Variants in MTUS2 observed in about 807,000 individuals in gnomAD.
The protein encoded by MTUS2 is microtubule-associated tumor suppressor candidate 2.
MTUS2 carries 40 observed loss-of-function variants against 114.1 expected under a neutral mutation model. The ratio of observed to expected loss-of-function variants is 0.35; its 90% confidence interval spans 0.27 to 0.46. MTUS2 has a LOEUF of 0.46. Among genes scored for constraint, MTUS2 ranks in the 20% least tolerant of loss-of-function variants. MTUS2 has a pLI of 1.00. For synonymous variants in MTUS2, 688 were observed against 672.0 expected, an observed-to-expected ratio of 1.02 and a Z score of -0.37; for missense variants, 1,679 against 1,705.4, an observed-to-expected ratio of 0.98 and a Z score of 0.27.
chr13:29,374,901 G>A (rs1396724783), intron 8 of MTUS2, among the ~76,000 whole-genome samples: 2 of 152,004 alleles, frequency 1.3e-5, no homozygotes, highest in Admixed American at 1.3e-4. Flanking sequence ...ACTCCAGCCT[G>A]GGTGACAAGA....
chr13:29,200,046 A>G (rs1030721055), intron 5 of MTUS2, among the ~76,000 whole-genome samples: 2 of 151,794 alleles, frequency 1.3e-5, no homozygotes, highest in Non-Finnish European at 2.9e-5. Context: ...CTGCTTTATC[A>G]TTTTTTATCG....
In MTUS2 at chr13:29,281,715, G is replaced by C; in HGVS notation, c.2656G>C (p.Gly886Arg). Residue 886 changes from glycine to arginine, a missense_variant, in exon 6 of 16, where the codon GGG (glycine) becomes CGG (arginine). Transcript: ENST00000612955. ...TCTGCCTCCCACAGGTTCAACCTTTGGGAATGAAGAACAGCCAGTTCTGAA... is the reference window on the plus strand; with the variant it reads ...TCTGCCTCCCACAGGTTCAACCTTTCGGAATGAAGAACAGCCAGTTCTGAA... ...QGRPATRSTF[G>R]NEEQPVLKAS... is the part of the protein sequence containing the mutation. 6.2e-7 allele frequency: 1 copy of C among 1,607,606 alleles called. No homozygotes were observed. Among genetic ancestry groups the C allele is most frequent in the Non-Finnish European group, 8.5e-7 (1 of 1,175,186 alleles).
At chr13:28,840,649 A>T (rs1303570349) in intron 2 of MTUS2, among the ~76,000 whole-genome samples, 1 of 152,226 alleles carries the variant, frequency 6.6e-6, no homozygotes, top group Admixed American at 6.5e-5. Flanking sequence ...GCCTCCGTAA[A>T]CATGGTGCTC....
At chr13:28,870,374 G>A (rs1323209250) in intron 2 of MTUS2, among the ~76,000 whole-genome samples, 2 of 152,082 alleles carry the variant, frequency 1.3e-5, no homozygotes, top group African/African-American at 4.8e-5. Context: ...CTGGACAAAC[G>A]GCTTTGCTTG....
At chr13:29,031,813 A>G in intron 3 of MTUS2, among the ~76,000 whole-genome samples, 1 of 151,888 alleles carries the variant, frequency 6.6e-6, no homozygotes, top group South Asian at 2.1e-4. Flanking sequence ...CCCCACCACT[A>G]TCCCAGTGGC....
chr13:29,500,792 AACACAC>A (rs3066073), intron 14 of MTUS2, among the ~76,000 whole-genome samples: 32,176 of 144,282 alleles, frequency 0.22, 3,591 homozygotes, highest in African/African-American at 0.27. Context: ...TTACATCAGA[AACACAC>A]ACACACACAC....
intron 5 of MTUS2, among the ~76,000 whole-genome samples, chr13:29,211,417 C>T (rs1895430426): frequency 6.6e-6 from 1 of 152,298 alleles, no homozygotes; most frequent in Non-Finnish European, 1.5e-5. Context: ...TCCCCACCTG[C>T]AGCAGCTTCT....
chr13:28,931,854 T>C (rs7989669), intron 2 of MTUS2, among the ~76,000 whole-genome samples: 12,744 of 151,974 alleles, frequency 0.084, 602 homozygotes, highest in South Asian at 0.13. Context: ...ACAGTCCCCG[T>C]TGTGTGATGT....
intron 5 of MTUS2, among the ~76,000 whole-genome samples, chr13:29,118,619 G>A (rs1327965976): frequency 6.6e-6 from 1 of 152,220 alleles, no homozygotes; most frequent in African/African-American, 2.4e-5. Flanking sequence ...TCTGTTAGCA[G>A]TGTGTAGGTA....
chr13:29,145,496 G>A (rs1438010391), intron 5 of MTUS2, among the ~76,000 whole-genome samples: 1 of 152,000 alleles, frequency 6.6e-6, no homozygotes, highest in Admixed American at 6.6e-5. Context: ...CTCCAGCCTG[G>A]GTGACAGAGC....
chr13:29,086,666 A>T (rs976891929), intron 4 of MTUS2, among the ~76,000 whole-genome samples: 1 of 152,192 alleles, frequency 6.6e-6, no homozygotes, highest in Non-Finnish European at 1.5e-5. Flanking sequence ...GAAAAATGGC[A>T]TTGATAGTTT....
At chr13:28,931,583 A>G (rs1271945932) in intron 2 of MTUS2, among the ~76,000 whole-genome samples, 1 of 151,730 alleles carries the variant, frequency 6.6e-6, no homozygotes, top group African/African-American at 2.4e-5. Context: ...AGTCAATTAA[A>G]CCTCTTTTCA....
At chr13:29,411,496 T>C (rs1261203264) in intron 8 of MTUS2, among the ~76,000 whole-genome samples, 1 of 152,228 alleles carries the variant, frequency 6.6e-6, no homozygotes, top group Non-Finnish European at 1.5e-5. Context: ...TTTTAATGTC[T>C]GATAGATCTA....
chr13:29,435,575 G>A (rs1365201649), intron 8 of MTUS2, among the ~76,000 whole-genome samples: 1 of 152,174 alleles, frequency 6.6e-6, no homozygotes, highest in African/African-American at 2.4e-5. Flanking sequence ...GTTGAACCTT[G>A]ATGGATGGAG....
intron 5 of MTUS2, among the ~76,000 whole-genome samples, chr13:29,259,217 G>A (rs1248679373): frequency 1.3e-5 from 2 of 152,192 alleles, no homozygotes; most frequent in African/African-American, 2.4e-5. Flanking sequence ...CGCACAGCTG[G>A]TCGGTCACCC....
At chr13:29,202,153 G>A (rs1894985341) in intron 5 of MTUS2, among the ~76,000 whole-genome samples, 2 of 151,780 alleles carry the variant, frequency 1.3e-5, no homozygotes, top group Admixed American at 1.3e-4. Flanking sequence ...ATCAAACATT[G>A]GTTTGGTCTT....
At position 29,095,457 on chromosome 13, in the gene MTUS2, C is replaced by T. The variant is rs182871458; in HGVS notation, c.2447-5316C>T. 1.2e-4 allele frequency among the ~76,000 whole-genome samples: 18 copies of T among 152,182 alleles called. 1 individual carries two copies. In the East Asian group the frequency reaches 2.9e-3, roughly 24 times the overall value. The stretch of plus-strand genomic sequence containing the variant: ...TCTCTTTACCTTTCTACACTTCTTA[C>T]TATGGTGTATCTAGGTGTGGATCTC... On this transcript the variant is annotated intron_variant, in intron 4 of 15. Transcript: ENST00000612955.
intron 12 of MTUS2, among the ~76,000 whole-genome samples, chr13:29,495,181 C>CAAAAAA (rs71090260): frequency 3.3e-5 from 1 of 30,078 alleles, no homozygotes. Flanking sequence ...AACTCCGTCT[C>CAAAAAA]AAAAAAAAAA....
intron 2 of MTUS2, among the ~76,000 whole-genome samples, chr13:28,843,189 T>C (rs1051695311): frequency 3.3e-5 from 5 of 152,106 alleles, no homozygotes; most frequent in African/African-American, 1.2e-4. Context: ...AGAACTAAAT[T>C]TGTGCCACAT....
Sources: gnomAD v4.1 joint callset for allele counts (sites outside exome capture counted in the v4.1 genomes callset) on GRCh38, gnomAD v4.1.1 for gene constraint, MANE v1.5 for transcripts, NCBI Gene and HGNC (gene_info 2026-07-23, HGNC 2026-07-21) for gene names.